The following PCA3 variants were observed in gnomAD, a reference collection of about 807,000 sequenced individuals.
The protein encoded by PCA3 is prostate cancer associated 3, also known as Differential Display code 3.
intron 2 of PCA3, among the ~76,000 whole-genome samples, chr9:76,775,424 G>A (rs568661945): frequency 1.1e-4 from 17 of 152,178 alleles, no homozygotes; most frequent in Middle Eastern, 6.8e-3. Context: ...AGCCTCCAGA[G>A]TAGCTGGGAC....
intron 2 of PCA3, among the ~76,000 whole-genome samples, chr9:76,773,120 C>T (rs1042246720): frequency 2.0e-5 from 3 of 152,184 alleles, no homozygotes; most frequent in Admixed American, 1.3e-4. Flanking sequence ...CTTTATATTA[C>T]TTTAAGTTCA....
In PCA3 at chr9:76,776,335, G is replaced by GTTATTA. The variant is rs1487667382; in HGVS notation, n.853-32247_853-32246insTATTAT. Among the ~76,000 whole-genome samples, 490 of 152,000 alleles carry GTTATTA rather than the reference G, an allele frequency of 3.2e-3. 5 individuals carry two copies. The highest frequency in any genetic ancestry group is 0.012 in the African/African-American group (481 of 41,454). On this transcript the variant is annotated intron_variant and non_coding_transcript_variant, in intron 2 of 5. Transcript: ENST00000644657. ...CTCCGATGTTATTATTTCACTCTCT[G>GTTATTA]TGTCCATGTGTACACACTGTTTAGC... is the stretch of plus-strand genomic sequence containing the variant.
chr9:76,771,109 A>G (rs974141861), intron 2 of PCA3, among the ~76,000 whole-genome samples: 2 of 152,162 alleles, frequency 1.3e-5, no homozygotes, highest in African/African-American at 4.8e-5. Context: ...CGCCACAGAA[A>G]TGATTCTAAA....
chr9:76,782,758 G>A (rs2054556782), intron 2 of PCA3: 1 of 152,208 alleles, frequency 6.6e-6, no homozygotes, highest in Non-Finnish European at 1.5e-5. Flanking sequence ...GTGACACAGG[G>A]CTGGATCACC....
chr9:76,767,759 T>C (rs2052578054), intron 2 of PCA3, among the ~76,000 whole-genome samples: 1 of 152,132 alleles, frequency 6.6e-6, no homozygotes, highest in Non-Finnish European at 1.5e-5. Flanking sequence ...CCAGCACAAG[T>C]CTATCCAGGG....
chr9:76,765,729 C>T (rs2130821458), intron 2 of PCA3, among the ~76,000 whole-genome samples: 1 of 152,318 alleles, frequency 6.6e-6, no homozygotes, highest in South Asian at 2.1e-4. Flanking sequence ...AGTTAAGAGA[C>T]AGAATCATAC....
chr9:76,783,956 T>C (rs1015699892), intron 2 of PCA3: 2 of 152,212 alleles, frequency 1.3e-5, no homozygotes, highest in Non-Finnish European at 2.9e-5. Flanking sequence ...CTCTACTCGT[T>C]TCTATCCTTC....
At chr9:76,780,899 T>C (rs1290477218) in intron 2 of PCA3, among the ~76,000 whole-genome samples, 4 of 152,158 alleles carry the variant, frequency 2.6e-5, no homozygotes, top group African/African-American at 9.7e-5. Context: ...AGGGTGTGCC[T>C]GCAACCCTCA....
intron 2 of PCA3, among the ~76,000 whole-genome samples, chr9:76,770,569 T>C (rs629806): frequency 0.55 from 83,244 of 151,962 alleles, 24,569 homozygotes; most frequent in African/African-American, 0.77. Flanking sequence ...TATGGTAAAA[T>C]TAAAATTAAA....
At chr9:76,772,857 A>C (rs2053269525) in intron 2 of PCA3, among the ~76,000 whole-genome samples, 1 of 152,166 alleles carries the variant, frequency 6.6e-6, no homozygotes, top group East Asian at 1.9e-4. Flanking sequence ...GAGCCACTGT[A>C]CCCAGCCTGA....
At chr9:76,787,021 A>G (rs2055056199) in intron 2 of PCA3, 1 of 152,180 alleles carries the variant, frequency 6.6e-6, no homozygotes, top group African/African-American at 2.4e-5. Flanking sequence ...CCCTGCCTTC[A>G]GTGTCCTCTG....
intron 2 of PCA3, chr9:76,784,804 T>G (rs1341814497): frequency 1.3e-5 from 2 of 152,414 alleles, no homozygotes; most frequent in South Asian, 2.1e-4. Context: ...CGGAGTGAAT[T>G]ATCTAATCAA....
chr9:76,785,689 T>G (rs1232979197), intron 2 of PCA3: 2 of 152,082 alleles, frequency 1.3e-5, no homozygotes, highest in Non-Finnish European at 2.9e-5. Flanking sequence ...CTCCTGGCAA[T>G]AAAGAATTTA....
intron 2 of PCA3, among the ~76,000 whole-genome samples, chr9:76,781,941 G>A (rs769585649): frequency 5.9e-5 from 9 of 152,018 alleles, no homozygotes; most frequent in East Asian, 1.9e-4. Flanking sequence ...CTGGCCGGGC[G>A]CGGTGGCTCA....
chr9:76,771,855 C>T (rs939244830), intron 2 of PCA3, among the ~76,000 whole-genome samples: 1 of 152,228 alleles, frequency 6.6e-6, no homozygotes, highest in South Asian at 2.1e-4. Flanking sequence ...GGTTTGCAGA[C>T]CACACCCTAA....
intron 2 of PCA3, among the ~76,000 whole-genome samples, chr9:76,772,496 C>G (rs979490529): frequency 1.2e-4 from 19 of 152,204 alleles, no homozygotes; most frequent in African/African-American, 4.3e-4. Flanking sequence ...CAAAAATAAC[C>G]TTCTGTAGTT....
intron 2 of PCA3, chr9:76,787,264 C>T (rs2055079749): frequency 6.8e-6 from 1 of 147,876 alleles, no homozygotes; most frequent in Admixed American, 6.7e-5. Flanking sequence ...CTTTTATTCT[C>T]TTTATTATTA....
chr9:76,774,450 C>CTTTTTTTT (rs869289049), intron 2 of PCA3, among the ~76,000 whole-genome samples: 2 of 41,404 alleles, frequency 4.8e-5, no homozygotes, highest in African/African-American at 1.9e-4. Flanking sequence ...CAGTTCAACC[C>CTTTTTTTT]TTTTTTTTTT....
At chr9:76,774,459 T>TATTTATTTATTTATTTATTTATTTATTTA (rs759627070) in intron 2 of PCA3, among the ~76,000 whole-genome samples, 1 of 139,124 alleles carries the variant, frequency 7.2e-6, no homozygotes, top group African/African-American at 2.6e-5. Context: ...CCTTTTTTTT[T>TATTTATTTATTTATTTATTTATTTATTTA]TTTTTTTTTT....
Sources: allele counts gnomAD v4.1 joint callset (sites outside exome capture counted in the v4.1 genomes callset), GRCh38; gene constraint gnomAD v4.1.1; transcripts MANE v1.5; gene names NCBI Gene and HGNC (gene_info 2026-07-23, HGNC 2026-07-21).